The following ABHD2 variants were observed in gnomAD, a reference collection of about 807,000 sequenced individuals.
ABHD2 encodes monoacylglycerol lipase ABHD2.
A neutral mutation model predicts 48.1 loss-of-function variants in ABHD2; 20 were observed. That is an observed-to-expected ratio of 0.42 (90% CI 0.29 to 0.60). The LOEUF (loss-of-function observed/expected upper bound fraction) is 0.60, where lower values mean the gene tolerates loss of function less well. ABHD2 is among the 20% of genes least tolerant of loss of function. The pLI is 0.24. For missense variants in ABHD2, 405 were observed against 550.9 expected (o/e 0.74, Z 2.65); for synonymous variants, 209 against 214.2 (o/e 0.98, Z 0.21).
chr15:89,072,870 T>G, the ABHD2 span, among the ~76,000 whole-genome samples: 1 of 152,166 alleles, frequency 6.6e-6, no homozygotes, highest in Non-Finnish European at 1.5e-5. Flanking sequence ...AAATTTGAAA[T>G]TCAGATAAAC....
In ABHD2 at chr15:89,162,223, C is replaced by G. The variant is rs540093148; in HGVS notation, c.538+6689C>G. Among the ~76,000 whole-genome samples, 3 of 152,152 alleles carry G rather than the reference C, an allele frequency of 2.0e-5. No individual in the cohort carries two copies. In the South Asian group the frequency reaches 6.2e-4, roughly 31 times the overall value. On this transcript the variant is annotated intron_variant, in intron 5 of 10. Transcript: ENST00000352732. ...CAGAAGCACAATGGCATCATCACAA[C>G]GGAAACACTTAAAACAGTACTCCTC...
chr15:89,181,228 CA>C (rs61411388), intron 6 of ABHD2, among the ~76,000 whole-genome samples: 1,007 of 69,074 alleles, frequency 0.015, 1 homozygote, highest in Non-Finnish European at 0.022. Context: ...GACTCTGTCT[CA>C]AAAAAAAAAA....
chr15:89,135,492 G>A, intron 3 of ABHD2: 3 of 901,412 alleles, frequency 3.3e-6, no homozygotes, highest in Non-Finnish European at 3.6e-6. Flanking sequence ...AGTGAGTTAT[G>A]TACAGGTTAA....
upstream of ABHD2, among the ~76,000 whole-genome samples, chr15:89,085,884 G>A (rs117695835): frequency 7.9e-5 from 12 of 152,266 alleles, no homozygotes; most frequent in Admixed American, 1.3e-4. The surrounding 1 kb of genome is among the most constrained non-coding windows in gnomAD (Gnocchi z 4.2). Flanking sequence ...ACCTGTATTG[G>A]GCTGGGCCTA....
rs1419606439 is a variant in ABHD2, at chr15:89,174,831, T to G, written c.539-981T>G. On this transcript the variant is annotated intron_variant, in intron 5 of 10. Transcript: ENST00000352732. The surrounding 1 kb of genome is among the most constrained non-coding windows in gnomAD (Gnocchi z 4.1). ...TGTAATATGGCCATTCACCTCCTCC[T>G]CTTAGCAAAGCTGCTGAGACATAAC... Among the ~76,000 whole-genome samples, 4 of 152,190 alleles carry G rather than the reference T, an allele frequency of 2.6e-5. No individual in the cohort carries two copies. The highest frequency in any genetic ancestry group is 5.9e-5 in the Non-Finnish European group (4 of 68,036).
intron 1 of ABHD2, among the ~76,000 whole-genome samples, chr15:89,111,080 AAATT>A (rs1279318997): frequency 6.6e-6 from 1 of 152,234 alleles, no homozygotes; most frequent in Non-Finnish European, 1.5e-5. Flanking sequence ...AAGCTCAGAT[AAATT>A]AATTAAAGCA....
chr15:89,190,781 T>C (rs1395390103), intron 8 of ABHD2, among the ~76,000 whole-genome samples: 2 of 152,188 alleles, frequency 1.3e-5, no homozygotes, highest in Admixed American at 6.5e-5. Flanking sequence ...GTTGAACCAT[T>C]TGCCCAAGGT....
At position 89,135,515 on chromosome 15, in the gene ABHD2, C is replaced by T. The variant is rs559394305; in HGVS notation, c.195-16162C>T. On this transcript the variant is annotated intron_variant, in intron 3 of 10. Transcript: ENST00000352732. The stretch of plus-strand genomic sequence containing the variant: ...ATGTACAGGTTAAATGCTTTATAGA[C>T]GAGAAAAAAAACTACACTAGAACCA... 4.6e-4 allele frequency: 524 copies of T among 1,131,906 alleles called. 1 individual carries two copies. The highest frequency in any genetic ancestry group is 6.0e-4 in the South Asian group (48 of 79,426). 70.1% of individuals were successfully genotyped at this position (1,131,906 alleles called of 1,614,324 possible). A position where few individuals can be genotyped will look rare whatever the true frequency, so the allele number is the denominator to read the frequency against.
chr15:89,140,212 C>T (rs1370442714), intron 3 of ABHD2, among the ~76,000 whole-genome samples: 5 of 152,202 alleles, frequency 3.3e-5, no homozygotes, highest in Admixed American at 3.3e-4. Context: ...GTTAGCAGTT[C>T]TTTTCCTCAA....
chr15:89,201,396 T>G lies in ABHD2; in HGVS notation c.*5973T>G. Reference sequence around the variant, plus strand: ...AGTGGGACAGCTTTGCTGGGTTCCATGTCATTCAATTTATCATTTTCATTG... The same window carrying G: ...AGTGGGACAGCTTTGCTGGGTTCCAGGTCATTCAATTTATCATTTTCATTG... On this transcript the variant is annotated 3_prime_UTR_variant, in exon 11 of 11. Coordinates refer to ENST00000352732, the MANE Select transcript of ABHD2 (RefSeq NM_152924.5). 8.4e-7 allele frequency: 1 copy of G among 1,193,258 alleles called. No individual in the cohort carries two copies. The highest frequency in any genetic ancestry group is 1.2e-6 in the Non-Finnish European group (1 of 808,142). 73.9% of individuals were successfully genotyped at this position (1,193,258 alleles called of 1,614,324 possible).
chr15:89,050,057 C>A, the ABHD2 span, among the ~76,000 whole-genome samples: 1 of 152,126 alleles, frequency 6.6e-6, no homozygotes. Context: ...TCTAAGACTC[C>A]CTGAGGTAGA....
At chr15:89,045,901 C>A in the ABHD2 span, among the ~76,000 whole-genome samples, 2 of 152,214 alleles carry the variant, frequency 1.3e-5, no homozygotes, top group Non-Finnish European at 1.5e-5. Flanking sequence ...CTTCTCCTGC[C>A]TGATTGCCCT....
chr15:89,047,969 G>C, the ABHD2 span, among the ~76,000 whole-genome samples: 210 of 150,750 alleles, frequency 1.4e-3, 1 homozygote, highest in African/African-American at 5.1e-3. Flanking sequence ...TTGCTCGATA[G>C]TTCATGCAGT....
intron 1 of ABHD2, among the ~76,000 whole-genome samples, chr15:89,110,452 C>T (rs1596072211): frequency 3.3e-5 from 5 of 152,128 alleles, no homozygotes; most frequent in Admixed American, 3.3e-4. Context: ...AGGCTGGGTT[C>T]TAGATCTAGC....
chr15:89,160,587 G>A (rs1240731780), intron 5 of ABHD2, among the ~76,000 whole-genome samples: 1 of 151,208 alleles, frequency 6.6e-6, no homozygotes, highest in Non-Finnish European at 1.5e-5. Context: ...ACTAGATTAT[G>A]CTGTGGAAAC....
the ABHD2 span, among the ~76,000 whole-genome samples, chr15:89,072,197 C>T: frequency 3.3e-5 from 5 of 152,106 alleles, no homozygotes; most frequent in African/African-American, 9.7e-5. Flanking sequence ...ATGTTTGGGC[C>T]AGGTGCAGTG....
the ABHD2 span, among the ~76,000 whole-genome samples, chr15:89,066,641 G>A: frequency 6.6e-6 from 1 of 152,190 alleles, no homozygotes; most frequent in Non-Finnish European, 1.5e-5. Context: ...AAGGCCTGGA[G>A]GAACATGGCT....
chr15:89,109,320 C>T (rs1596071095), intron 1 of ABHD2, among the ~76,000 whole-genome samples: 1 of 152,182 alleles, frequency 6.6e-6, no homozygotes, highest in Admixed American at 6.5e-5. Context: ...TTTGTTAATG[C>T]GGACTATAAA....
At chr15:89,147,996 G>A (rs959776467) in intron 3 of ABHD2, among the ~76,000 whole-genome samples, 1 of 151,228 alleles carries the variant, frequency 6.6e-6, no homozygotes, top group Non-Finnish European at 1.5e-5. Flanking sequence ...ATGCGTGCCT[G>A]TAATCTGAGC....
Sources: gnomAD v4.1 joint callset for allele counts (sites outside exome capture counted in the v4.1 genomes callset) on GRCh38, gnomAD v4.1.1 for gene constraint, Gnocchi (gnomAD v3.1) non-coding constraint, MANE v1.5 for transcripts, NCBI Gene and HGNC (gene_info 2026-07-23, HGNC 2026-07-21) for gene names.